CALCR: variants seen among roughly 807,000 people sequenced by gnomAD.
The protein encoded by CALCR is calcitonin receptor.
In CALCR, 47 loss-of-function variants were observed where a neutral mutation model predicts 59.5. The observed-to-expected ratio is 0.79, with a 90% CI of 0.63 to 1.01. The LOEUF is 1.01. CALCR is among the 50% of genes least tolerant of loss of function. The pLI is 0.00. For missense variants in CALCR, 566 were observed against 597.1 expected (o/e 0.95, Z 0.54); for synonymous variants, 213 against 211.3 (o/e 1.01, Z -0.07).
chr7:93,468,024 G>T (rs1020068478), intron 7 of CALCR, among the ~76,000 whole-genome samples: 1 of 151,532 alleles, frequency 6.6e-6, no homozygotes, highest in Non-Finnish European at 1.5e-5. Context: ...ACAATGTTAT[G>T]AGTGCTTTAT....
rs1799512082 is a variant in CALCR at position 93,425,756 on chromosome 7, C to T, written c.*600G>A. The T allele has an allele frequency of 6.6e-6, 1 of 152,108 alleles. No homozygotes were observed. The allele number at this position is 152,108 out of a possible 1,614,324, so 9.4% of individuals were successfully genotyped here. A position where few individuals can be genotyped will look rare whatever the true frequency, so the allele number is the denominator to read the frequency against. ...CTCTAAATTTCTTTTGCATTCAAAG[C>T]ATACATCTTCCTGCCAAATGCAGGT... is the stretch of plus-strand genomic sequence containing the variant. On this transcript the variant is annotated 3_prime_UTR_variant, in exon 14 of 14. Transcript: ENST00000426151.
At chr7:93,551,508 C>T (rs1789458691) in intron 2 of CALCR, among the ~76,000 whole-genome samples, 1 of 152,030 alleles carries the variant, frequency 6.6e-6, no homozygotes, top group Non-Finnish European at 1.5e-5. Flanking sequence ...TTTTTTAGTG[C>T]CAGTTATTTT....
intron 2 of CALCR, among the ~76,000 whole-genome samples, chr7:93,529,363 C>T (rs2116125352): frequency 6.6e-6 from 1 of 152,284 alleles, no homozygotes; most frequent in South Asian, 2.1e-4. Context: ...TGGAAACTTC[C>T]TGAGGCTTCC....
At chr7:93,514,844 G>A (rs1021614806) in intron 2 of CALCR, among the ~76,000 whole-genome samples, 4 of 151,936 alleles carry the variant, frequency 2.6e-5, no homozygotes, top group Non-Finnish European at 5.9e-5. Context: ...TCTGCATTAT[G>A]AGCCATTAAA....
intron 8 of CALCR, among the ~76,000 whole-genome samples, chr7:93,448,660 A>C (rs959904838): frequency 6.6e-6 from 1 of 152,026 alleles, no homozygotes; most frequent in Non-Finnish European, 1.5e-5. Flanking sequence ...TTCTCTTCTC[A>C]GTTAAGTCAG....
At chr7:93,483,662 T>C (rs1174090834) in intron 3 of CALCR, among the ~76,000 whole-genome samples, 2 of 151,546 alleles carry the variant, frequency 1.3e-5, no homozygotes. Flanking sequence ...TTTTCAGCAA[T>C]ACAGAGACAA....
chr7:93,457,211 A>T (rs2115788661), intron 8 of CALCR, among the ~76,000 whole-genome samples: 1 of 152,270 alleles, frequency 6.6e-6, no homozygotes, highest in African/African-American at 2.4e-5. Flanking sequence ...TCATAAGGTG[A>T]GAGTTGACAG....
At chr7:93,466,535 C>T (rs1003785611) in intron 7 of CALCR, among the ~76,000 whole-genome samples, 5 of 151,776 alleles carry the variant, frequency 3.3e-5, no homozygotes, top group South Asian at 2.1e-4. Context: ...GAATATTTGG[C>T]ATCTCAGCAT....
intron 8 of CALCR, among the ~76,000 whole-genome samples, chr7:93,456,572 C>T (rs1014041200): frequency 1.3e-5 from 2 of 152,020 alleles, no homozygotes; most frequent in Non-Finnish European, 2.9e-5. Flanking sequence ...GATATGTTTC[C>T]AAAATAGTAT....
chr7:93,523,799 A>AT (rs1245987644), intron 2 of CALCR, among the ~76,000 whole-genome samples: 1 of 152,102 alleles, frequency 6.6e-6, no homozygotes, highest in Non-Finnish European at 1.5e-5. Flanking sequence ...AGTTTCTAAT[A>AT]TTTTTATATT....
chr7:93,461,921 T>C (rs889209488), intron 7 of CALCR: 2 of 616,614 alleles, frequency 3.2e-6, no homozygotes, highest in African/African-American at 1.9e-5. Context: ...TCATTCACCA[T>C]GTGAGAGCGT....
chr7:93,477,961 CAAAAAAAAAAAAAAAA>C (rs71107894), intron 4 of CALCR, among the ~76,000 whole-genome samples: 23 of 54,406 alleles, frequency 4.2e-4, no homozygotes, highest in African/African-American at 1.3e-3. Context: ...GACCCTCTCT[CAAAAAAAAAAAAAAAA>C]AAAAAAAAAA....
rs1426946428 is a variant in CALCR at position 93,426,399 on chromosome 7, T to A, written c.1382A>T (p.Glu461Val). ...CTCTATGATATTCAAAGGGATGATC[T>A]CAGCACTCTCCTCGCCTTGGTTGTT... is the stretch of plus-strand genomic sequence containing the variant. Reference protein sequence around the residue: ...PANNQGEESAEIIPLNIIEQE... With the variant: ...PANNQGEESAVIIPLNIIEQE... The change falls in exon 14 of 14, where the codon GAG becomes GTG. Residue 461 changes from glutamate to valine, a missense_variant. Transcript: ENST00000426151. The A allele has an allele frequency of 3.1e-6, 5 of 1,613,366 alleles. No homozygotes were observed. The African/African-American group carries it at 5.3e-5, about 17-fold the overall frequency.
chr7:93,567,915 TA>T (rs1206861193), intron 2 of CALCR, among the ~76,000 whole-genome samples: 1 of 152,050 alleles, frequency 6.6e-6, no homozygotes, highest in Non-Finnish European at 1.5e-5. Context: ...GTCTGGAAAA[TA>T]TTTGGTATAT....
At chr7:93,436,950 T>C (rs1325092486) in intron 11 of CALCR, among the ~76,000 whole-genome samples, 2 of 152,206 alleles carry the variant, frequency 1.3e-5, no homozygotes, top group African/African-American at 4.8e-5. Flanking sequence ...GTGCCCATAT[T>C]TGCACGGGCA....
intron 2 of CALCR, among the ~76,000 whole-genome samples, chr7:93,520,003 A>G (rs888483928): frequency 6.6e-6 from 1 of 152,148 alleles, no homozygotes; most frequent in Non-Finnish European, 1.5e-5. Context: ...ATAAACTGAT[A>G]CAGTCTATCT....
At chr7:93,457,577 A>C (rs912579598) in intron 8 of CALCR, among the ~76,000 whole-genome samples, 1 of 152,166 alleles carries the variant, frequency 6.6e-6, no homozygotes, top group African/African-American at 2.4e-5. Context: ...CTCCCAGATC[A>C]ATGTAGTTGA....
At chr7:93,550,647 CAG>C (rs1057029646) in intron 2 of CALCR, among the ~76,000 whole-genome samples, 29 of 87,892 alleles carry the variant, frequency 3.3e-4, no homozygotes, top group Admixed American at 1.0e-4. Flanking sequence ...ACACGAGAGA[CAG>C]AGTTTTGTAA....
Position 93,460,593 on chromosome 7 carries a change from G to GTGTATATATA in CALCR, c.648+227_648+228insTATATATACA, listed in dbSNP as rs1296016997. On this transcript the variant is annotated intron_variant, in intron 8 of 13. Coordinates refer to ENST00000426151, the MANE Select transcript of CALCR (RefSeq NM_001742.4). The stretch of plus-strand genomic sequence containing the variant: ...AAAAAATATATATATATATATATAT[G>GTGTATATATA]TATATATATATATATATATGGTTTG... 1.4e-3 allele frequency among the ~76,000 whole-genome samples: 125 copies of GTGTATATATA among 89,350 alleles called. 2 individuals carry two copies. The highest frequency in any genetic ancestry group is 6.5e-3 in the African/African-American group (122 of 18,722). 58.6% of individuals were successfully genotyped at this position (89,350 alleles called of 152,430 possible). A position where few individuals can be genotyped will look rare whatever the true frequency, so the allele number is the denominator to read the frequency against.
Sources: allele counts gnomAD v4.1 joint callset (sites outside exome capture counted in the v4.1 genomes callset), GRCh38; gene constraint gnomAD v4.1.1; transcripts MANE v1.5; gene names NCBI Gene and HGNC (gene_info 2026-07-23, HGNC 2026-07-21).